Variants in SGMS2 observed in about 807,000 individuals in gnomAD.
SGMS2 encodes the protein sphingomyelin synthase 2.
SGMS2 carries 21 observed loss-of-function variants against 43.8 expected under a neutral mutation model. The observed-to-expected ratio is 0.48, with a 90% CI of 0.34 to 0.69. SGMS2 has a LOEUF of 0.69. Ranked by LOEUF, SGMS2 falls within the 30% of genes least tolerant of loss-of-function variation. SGMS2 has a pLI of 0.01. For missense variants in SGMS2, 384 were observed against 443.2 expected (o/e 0.87, Z 1.20); for synonymous variants, 167 against 160.6 (o/e 1.04, Z -0.30).
intron 1 of SGMS2, among the ~76,000 whole-genome samples, chr4:107,858,013 C>CCT (rs1553929784): frequency 4.6e-5 from 7 of 152,062 alleles, no homozygotes; most frequent in African/African-American, 7.2e-5. Context: ...CTGCCCCACC[C>CCT]CCCCCATCCC....
intron 1 of SGMS2, among the ~76,000 whole-genome samples, chr4:107,831,379 C>T (rs1370076436): frequency 6.6e-6 from 1 of 152,204 alleles, no homozygotes; most frequent in Non-Finnish European, 1.5e-5. Flanking sequence ...AGTCACAGCA[C>T]TGCCACTCAT....
Position 107,895,545 on chromosome 4 carries a change from T to G in SGMS2, c.-9T>G. On this transcript the variant is annotated 5_prime_UTR_variant, in exon 3 of 7. Coordinates refer to ENST00000690982, the MANE Select transcript of SGMS2 (RefSeq NM_001375905.1). The stretch of plus-strand genomic sequence containing the variant: ...ACCATCTCCTTTTTGATCTGAAGAC[T>G]AGGGGACAATGGATATCATAGAGAC... The G allele has an allele frequency of 6.2e-7, 1 of 1,607,154 alleles. No individual in the cohort carries two copies. The highest frequency in any genetic ancestry group is 1.1e-5 in the South Asian group (1 of 90,130).
chr4:107,864,160 T>C (rs1727945769), intron 2 of SGMS2: 1 of 152,240 alleles, frequency 6.6e-6, no homozygotes, highest in Admixed American at 6.5e-5. Flanking sequence ...CTCAATCTGA[T>C]CTTTAAGAGT....
chr4:107,851,943 CTT>C (rs1727168313), intron 1 of SGMS2, among the ~76,000 whole-genome samples: 1 of 152,088 alleles, frequency 6.6e-6, no homozygotes, highest in Admixed American at 6.6e-5. Context: ...AAAAGGAAAA[CTT>C]TTAAGATTCC....
intron 1 of SGMS2, among the ~76,000 whole-genome samples, chr4:107,846,462 A>T (rs1726826305): frequency 6.7e-6 from 1 of 150,352 alleles, no homozygotes; most frequent in Non-Finnish European, 1.5e-5. Context: ...TTATGGCTGC[A>T]TAGTATTCCA....
At chr4:107,850,431 G>T (rs994185780) in intron 1 of SGMS2, among the ~76,000 whole-genome samples, 1 of 152,150 alleles carries the variant, frequency 6.6e-6, no homozygotes, top group Non-Finnish European at 1.5e-5. Flanking sequence ...TTTTTGGAAA[G>T]ATAAGAATTA....
chr4:107,907,122 G>A (rs1157846310), intron 5 of SGMS2: 2 of 152,162 alleles, frequency 1.3e-5, no homozygotes, highest in African/African-American at 4.8e-5. Flanking sequence ...GATTCCATGA[G>A]TTTTCTTCCA....
At chr4:107,828,099 T>A (rs2052844009) in intron 1 of SGMS2, among the ~76,000 whole-genome samples, 1 of 152,200 alleles carries the variant, frequency 6.6e-6, no homozygotes, top group South Asian at 2.1e-4. Flanking sequence ...GTTTTCCCCA[T>A]ATTATAAGTA....
rs774801145 is a variant in SGMS2, at chr4:107,903,250, G to C, written c.591G>C (p.Gln197His). ...QCAPKLNGDS[Q>H]AKVQRILRLI... is the part of the protein sequence containing the mutation. ...TCATTCAGCTCAATGGAGACTCTCA[G>C]GCAAAAGTTCAACGGATTCTACGAT... Residue 197 changes from glutamine (Q) to histidine (H), a missense_variant, in exon 5 of 7, where the codon CAG (glutamine) becomes CAC (histidine). By Grantham distance (24) the Gln-to-His change is conservative. Transcript: ENST00000690982. 1.2e-6 allele frequency: 2 copies of C among 1,613,982 alleles called. No homozygotes were observed. The highest frequency in any genetic ancestry group is 1.7e-6 in the Non-Finnish European group (2 of 1,179,918).
chr4:107,842,780 T>A (rs973190113), intron 1 of SGMS2, among the ~76,000 whole-genome samples: 1 of 152,170 alleles, frequency 6.6e-6, no homozygotes, highest in African/African-American at 2.4e-5. Context: ...GATCTTAACT[T>A]TTTTTTCAAC....
chr4:107,870,814 A>AAT (rs1728508104), intron 2 of SGMS2, among the ~76,000 whole-genome samples: 1 of 152,314 alleles, frequency 6.6e-6, no homozygotes, highest in East Asian at 1.9e-4. Context: ...GATATTTTTA[A>AAT]ATATAAATTT....
chr4:107,890,034 A>T (rs538904516), intron 2 of SGMS2, among the ~76,000 whole-genome samples: 25 of 152,262 alleles, frequency 1.6e-4, no homozygotes, highest in East Asian at 9.7e-4. Context: ...CTTAAAAAAA[A>T]TTTTTTTAAA....
chr4:107,888,520 C>T (rs1035705147), intron 2 of SGMS2, among the ~76,000 whole-genome samples: 1 of 152,050 alleles, frequency 6.6e-6, no homozygotes, highest in Non-Finnish European at 1.5e-5. Flanking sequence ...TCATTCTACT[C>T]TAGGACTAAA....
intron 1 of SGMS2, among the ~76,000 whole-genome samples, chr4:107,825,620 C>CTTTTTTTTTTTTT (rs201101875): frequency 4.3e-5 from 5 of 116,272 alleles, no homozygotes; most frequent in African/African-American, 1.8e-4. Flanking sequence ...TTTTCTTTCT[C>CTTTTTTTTTTTTT]TTTTTTTTTT....
intron 2 of SGMS2, among the ~76,000 whole-genome samples, chr4:107,878,761 C>T (rs1560654994): frequency 6.6e-6 from 1 of 152,104 alleles, no homozygotes; most frequent in African/African-American, 2.4e-5. Flanking sequence ...TTCTCTCTTT[C>T]CAAAATATGC....
At chr4:107,846,957 C>G (rs377293554) in intron 1 of SGMS2, among the ~76,000 whole-genome samples, 108 of 151,818 alleles carry the variant, frequency 7.1e-4, no homozygotes, top group Non-Finnish European at 4.7e-4. Flanking sequence ...TTTTGATGGG[C>G]TTGTTTGTTT....
At chr4:107,861,616 C>T (rs1196924674) in intron 2 of SGMS2, among the ~76,000 whole-genome samples, 3 of 152,048 alleles carry the variant, frequency 2.0e-5, no homozygotes, top group African/African-American at 7.2e-5. Flanking sequence ...CTGTTATGGA[C>T]TTTGGTGGAA....
rs1732167410 is a variant in SGMS2 at position 107,912,190 on chromosome 4, T to G, written c.*1637T>G. The G allele has an allele frequency of 6.6e-6, 1 of 152,200 alleles. No individual in the cohort carries two copies. The highest frequency in any genetic ancestry group is 6.5e-5 in the Admixed American group (1 of 15,278). 9.4% of individuals were successfully genotyped at this position (152,200 alleles called of 1,614,324 possible). A position where few individuals can be genotyped will look rare whatever the true frequency, so the allele number is the denominator to read the frequency against. On this transcript the variant is annotated 3_prime_UTR_variant, in exon 7 of 7. Coordinates refer to ENST00000690982, the MANE Select transcript of SGMS2 (RefSeq NM_001375905.1). ...CATCCTTTGGTGCTAAAATCTTGTG[T>G]ATGTTTTCAGAATGGCTTTTTCTGT...
At chr4:107,838,082 A>G (rs1726294203) in intron 1 of SGMS2, among the ~76,000 whole-genome samples, 1 of 152,154 alleles carries the variant, frequency 6.6e-6, no homozygotes, top group Non-Finnish European at 1.5e-5. Flanking sequence ...TCACCAGGGA[A>G]TATTTTGTAG....
Sources: gnomAD v4.1 joint callset for allele counts (sites outside exome capture counted in the v4.1 genomes callset) on GRCh38, gnomAD v4.1.1 for gene constraint, MANE v1.5 for transcripts, NCBI Gene and HGNC (gene_info 2026-07-23, HGNC 2026-07-21) for gene names.